PCNT: variants seen among roughly 807,000 people sequenced by gnomAD.
PCNT encodes kendrin.
A neutral mutation model predicts 380.4 loss-of-function variants in PCNT; 319 were observed. The observed-to-expected ratio is 0.84, with a 90% confidence interval of 0.77 to 0.92. The LOEUF (loss-of-function observed/expected upper bound fraction) is 0.92. Ranked by LOEUF, PCNT falls within the 40% of genes least tolerant of loss-of-function variation. The pLI, the probability that PCNT is intolerant of heterozygous loss-of-function variation, is 0.00. For synonymous variants in PCNT, 1,845 were observed against 1,735.2 expected, an observed-to-expected ratio of 1.06 and a Z score of -1.57; for missense variants, 4,400 against 4,255.3, an observed-to-expected ratio of 1.03 and a Z score of -0.95.
At chr21:46,442,138 C>T (rs748386308) in intron 43 of PCNT, among the ~76,000 whole-genome samples, 4 of 152,134 alleles carry the variant, frequency 2.6e-5, no homozygotes, top group Admixed American at 6.5e-5. Flanking sequence ...GCACACCAGG[C>T]GGGAGCGGCA....
chr21:46,326,877 C>G (rs1436206520), intron 2 of PCNT, among the ~76,000 whole-genome samples: 2 of 151,756 alleles, frequency 1.3e-5, no homozygotes, highest in African/African-American at 4.8e-5. Context: ...AGCCGGACAT[C>G]TGGCGCACAC....
intron 41 of PCNT, among the ~76,000 whole-genome samples, chr21:46,439,699 G>A (rs958156382): frequency 2.0e-5 from 3 of 152,332 alleles, no homozygotes; most frequent in Middle Eastern, 3.4e-3. Context: ...CACAGCTGTC[G>A]AGAGTTGACT....
chr21:46,382,421 A>T (rs1401772379), intron 16 of PCNT, among the ~76,000 whole-genome samples: 2 of 146,616 alleles, frequency 1.4e-5, no homozygotes, highest in African/African-American at 5.0e-5. Context: ...GCAGAAGCGC[A>T]TTCACGGTGT....
chr21:46,394,782 G>T (rs1338266040), intron 21 of PCNT, among the ~76,000 whole-genome samples: 1 of 152,238 alleles, frequency 6.6e-6, no homozygotes, highest in Non-Finnish European at 1.5e-5. Context: ...CTGCTTTTCA[G>T]AAACTGATGT....
Position 46,411,846 on chromosome 21 carries a change from C to T in PCNT, c.5773C>T (p.Gln1925Ter), listed in dbSNP as rs1444520712. ...TCCCGAGCTGCAGTGGCTCCGAGCG[C>T]AGTGTGCCCGCCTCAGCCGCCAGCT... Reference protein sequence around the residue: ...APPELQWLRAQCARLSRQLQV... With the variant: ...APPELQWLRA Residue 1925 changes from glutamine (Q) to a stop codon, truncating the protein, a stop_gained, in exon 28 of 47, where the codon CAG (glutamine) becomes TAG (stop). Coordinates refer to ENST00000359568, the MANE Select transcript of PCNT (RefSeq NM_006031.6). LOFTEE classifies it high-confidence loss of function. 10 of 1,558,794 alleles carry T rather than the reference C, an allele frequency of 6.4e-6. No individual in the cohort carries two copies. Among genetic ancestry groups the T allele is most frequent in the Non-Finnish European group, 8.6e-6 (10 of 1,157,856 alleles).
chr21:46,418,155 A>G (rs1411953877), intron 30 of PCNT, 49 bp from the exon 31 acceptor site: 9 of 1,155,808 alleles, frequency 7.8e-6, no homozygotes, highest in Middle Eastern at 4.3e-4. Context: ...AGTCAGCGCT[A>G]TGATGTAATT....
At chr21:46,355,836 C>A (rs2084454955) in intron 12 of PCNT, among the ~76,000 whole-genome samples, 1 of 152,152 alleles carries the variant, frequency 6.6e-6, no homozygotes, top group Non-Finnish European at 1.5e-5. Flanking sequence ...GAGTGCGTGT[C>A]CTGGGCCAGC....
chr21:46,430,698 T>G (rs2087718362), intron 37 of PCNT, 41 bp downstream of exon 37: 24 of 1,554,910 alleles, frequency 1.5e-5, no homozygotes, highest in Non-Finnish European at 2.1e-5. Context: ...ATGGGCTGTG[T>G]GCACTGGAAG....
intron 27 of PCNT, among the ~76,000 whole-genome samples, 193 bp from the exon 28 acceptor site, chr21:46,410,996 C>T (rs2086766728): frequency 6.6e-6 from 1 of 152,236 alleles, no homozygotes; most frequent in Non-Finnish European, 1.5e-5. Context: ...ACAAGGTGTG[C>T]ACCAGGGCCC....
At chr21:46,439,713 C>CT (rs1649821320) in intron 41 of PCNT, among the ~76,000 whole-genome samples, 1 of 152,168 alleles carries the variant, frequency 6.6e-6, no homozygotes, top group Admixed American at 6.5e-5. Flanking sequence ...GTTGACTGTG[C>CT]TTGTAGTTAC....
chr21:46,398,011 C>T lies in PCNT; in HGVS notation c.4447-3C>T. 6.3e-7 allele frequency: 1 copy of T among 1,577,400 alleles called. No individual in the cohort carries two copies. On this transcript the variant is annotated splice_region_variant and splice_polypyrimidine_tract_variant and intron_variant, in intron 22 of 46. Coordinates refer to ENST00000359568, the MANE Select transcript of PCNT (RefSeq NM_006031.6). Reference sequence around the variant, plus strand: ...GGTCCCAACACGCTGCCTCTCCTCCCAGGAGCAGGCAGCCGAGCGGGAGCA... The same window carrying T: ...GGTCCCAACACGCTGCCTCTCCTCCTAGGAGCAGGCAGCCGAGCGGGAGCA...
rs1311040989 is a variant in PCNT at position 46,443,895 on chromosome 21, C to T, written c.9786C>T (p.Asp3262=). 6.2e-7 allele frequency: 1 copy of T among 1,612,864 alleles called. No individual in the cohort carries two copies. The highest frequency in any genetic ancestry group is 1.3e-5 in the African/African-American group (1 of 74,894). The change falls in exon 45 of 47, where the codon GAC becomes GAT. Residue 3262 remains aspartate, a synonymous_variant. Transcript: ENST00000359568. The part of the protein sequence containing the change: ...TRDVPSGHTR[D]PARGRRLAAA... ...ATGTACCCTCTGGCCACACCAGGGACCCTGCCAGAGGCCGCAGACTGGCAG... is the reference window on the plus strand; with the variant it reads ...ATGTACCCTCTGGCCACACCAGGGATCCTGCCAGAGGCCGCAGACTGGCAG...
At chr21:46,337,176 C>T (rs1264056280) in intron 3 of PCNT, among the ~76,000 whole-genome samples, 1 of 151,920 alleles carries the variant, frequency 6.6e-6, no homozygotes, top group Non-Finnish European at 1.5e-5. Flanking sequence ...GGGGTTTCAC[C>T]ATGTTGGTCA....
At chr21:46,367,750 A>G (rs947372551) in intron 15 of PCNT, among the ~76,000 whole-genome samples, 4 of 152,182 alleles carry the variant, frequency 2.6e-5, no homozygotes, top group Non-Finnish European at 5.9e-5. Flanking sequence ...AAGGCTGACC[A>G]GCACCTCTGC....
intron 24 of PCNT, 28 bp downstream of exon 24, chr21:46,398,283 T>C (rs768074839): frequency 9.4e-6 from 15 of 1,590,734 alleles, no homozygotes; most frequent in Non-Finnish European, 8.5e-7. Context: ...AGATGGGCAC[T>C]CCCTGCGCTG....
In PCNT at chr21:46,367,008, T is replaced by G. The variant is rs758467830; in HGVS notation, c.3034T>G (p.Leu1012Val). The G allele has an allele frequency of 6.2e-7, 1 of 1,614,148 alleles. No individual in the cohort carries two copies. Among genetic ancestry groups the G allele is most frequent in the Non-Finnish European group, 8.5e-7 (1 of 1,180,032 alleles). Residue 1012 changes from leucine (L) to valine (V), a missense_variant, in exon 15 of 47, where the codon TTG becomes GTG. Physicochemically the swap from Leu to Val is conservative, Grantham distance 32. Coordinates refer to ENST00000359568, the MANE Select transcript of PCNT (RefSeq NM_006031.6). ...WKKDSLHQTI[L>V]TQELEKLKRK... Reference sequence around the variant, plus strand: ...AAAGGACTCTCTTCACCAAACGATTTTGACTCAAGAGTTGGAGAAACTGAA... The same window carrying G: ...AAAGGACTCTCTTCACCAAACGATTGTGACTCAAGAGTTGGAGAAACTGAA...
At chr21:46,402,230 C>T (rs1176475301) in intron 26 of PCNT, 101 bp from the exon 27 acceptor site, 2 of 800,406 alleles carry the variant, frequency 2.5e-6, no homozygotes, top group South Asian at 1.8e-5. Context: ...TAGGCATGTG[C>T]ATTTAAATAT....
intron 2 of PCNT, among the ~76,000 whole-genome samples, chr21:46,333,613 AT>A (rs1453577488): frequency 6.6e-6 from 1 of 151,468 alleles, no homozygotes; most frequent in African/African-American, 2.4e-5. Flanking sequence ...AAAAAAAAAA[AT>A]TACAGGCTGG....
rs1313984367 is a variant in PCNT at position 46,427,747 on chromosome 21, G to A, written c.7446G>A (p.Gly2482=). The change falls in exon 34 of 47, where the codon GGG becomes GGA. Residue 2482 remains glycine (G), a synonymous_variant. Coordinates refer to ENST00000359568, the MANE Select transcript of PCNT (RefSeq NM_006031.6). The stretch of plus-strand genomic sequence containing the variant: ...CCCGACTCAGTGGCTCAGATCTGGG[G>A]GGTCACAGCTCCCTGCTCGAAAGGC... ...LQPRLSGSDL[G]GHSSLLERLE... 6.8e-6 allele frequency: 11 copies of A among 1,613,776 alleles called. No homozygotes were observed. Among genetic ancestry groups the A allele is most frequent in the Admixed American group, 3.3e-5 (2 of 60,030 alleles).
Sources: gnomAD v4.1 joint callset for allele counts (sites outside exome capture counted in the v4.1 genomes callset) on GRCh38, gnomAD v4.1.1 for gene constraint, MANE v1.5 for transcripts, NCBI Gene and HGNC (gene_info 2026-07-23, HGNC 2026-07-21) for gene names.